PELI2: variants seen among roughly 807,000 people sequenced by gnomAD.
The protein encoded by PELI2 is pellino E3 ubiquitin protein ligase family member 2, also known as E3 ubiquitin-protein ligase pellino homolog 2.
Under a neutral mutation model 42.3 loss-of-function variants are expected in PELI2, and 23 were observed. The ratio of observed to expected loss-of-function variants is 0.54; its 90% CI spans 0.39 to 0.77. The LOEUF (loss-of-function observed/expected upper bound fraction) is 0.77. Ranked by LOEUF, PELI2 falls within the 30% of genes least tolerant of loss-of-function variation. PELI2 has a pLI of 0.00. For synonymous variants in PELI2, 245 were observed against 212.2 expected (o/e 1.15, Z -1.34); for missense variants, 463 against 553.2 (o/e 0.84, Z 1.64).
At chr14:56,150,022 C>G (rs1479818421) in intron 1 of PELI2, among the ~76,000 whole-genome samples, 1 of 152,170 alleles carries the variant, frequency 6.6e-6, no homozygotes, top group Non-Finnish European at 1.5e-5. Context: ...ATGTTATAGA[C>G]ATTAGTAATA....
intron 2 of PELI2, among the ~76,000 whole-genome samples, chr14:56,223,728 A>G (rs900462936): frequency 3.9e-5 from 6 of 152,344 alleles, no homozygotes; most frequent in East Asian, 1.9e-4. Flanking sequence ...GCAGATTTCA[A>G]TACTGTGTTT....
intron 1 of PELI2, among the ~76,000 whole-genome samples, chr14:56,143,734 T>C (rs951756057): frequency 6.6e-6 from 1 of 152,266 alleles, no homozygotes; most frequent in Non-Finnish European, 1.5e-5. Context: ...TTGGCCATTG[T>C]TGAGTTTCAG....
chr14:56,137,988 G>A (rs1883745717), intron 1 of PELI2, among the ~76,000 whole-genome samples: 1 of 152,214 alleles, frequency 6.6e-6, no homozygotes, highest in Non-Finnish European at 1.5e-5. Context: ...CCCTTGGGCT[G>A]TCTTGTGGCT....
chr14:56,207,999 T>C (rs1023564114), intron 2 of PELI2, among the ~76,000 whole-genome samples: 2 of 152,350 alleles, frequency 1.3e-5, no homozygotes, highest in South Asian at 2.1e-4. Context: ...TCCAGACATA[T>C]AAGTTGTAAA....
intron 3 of PELI2, among the ~76,000 whole-genome samples, chr14:56,285,328 T>C (rs1889609186): frequency 1.3e-5 from 2 of 152,198 alleles, no homozygotes; most frequent in African/African-American, 2.4e-5. Context: ...TTTTGACTTT[T>C]AGCTTGAGCA....
chr14:56,156,032 AT>A (rs1331103529), intron 1 of PELI2, among the ~76,000 whole-genome samples: 38 of 152,318 alleles, frequency 2.5e-4, no homozygotes, highest in Non-Finnish European at 2.1e-4. Flanking sequence ...AATAGTGGAC[AT>A]CCGTGTTTTG....
At chr14:56,207,425 A>G (rs1886559099) in intron 2 of PELI2, among the ~76,000 whole-genome samples, 1 of 152,156 alleles carries the variant, frequency 6.6e-6, no homozygotes, top group Non-Finnish European at 1.5e-5. Flanking sequence ...TATACTCACT[A>G]CCCACAAGGG....
chr14:56,181,840 ATGTGTG>A (rs3042510), intron 2 of PELI2, among the ~76,000 whole-genome samples: 31,772 of 148,276 alleles, frequency 0.21, 5,219 homozygotes, highest in African/African-American at 0.46. Context: ...TGATTATGTA[ATGTGTG>A]TGTGTGTGTG....
intron 2 of PELI2, among the ~76,000 whole-genome samples, chr14:56,270,988 T>C (rs10483657): frequency 0.13 from 20,318 of 152,228 alleles, 1,726 homozygotes; most frequent in Middle Eastern, 0.21. Flanking sequence ...AAAGCCAGTT[T>C]GATATAAATG....
At position 56,186,228 on chromosome 14, in the gene PELI2, A is replaced by T. The variant is rs114333337; in HGVS notation, c.207+7764A>T. Reference sequence around the variant, plus strand: ...GAGCCAAGGAGTGCAGGTGGCTTCTAGAAGCTGAGAACAGCCCTGGCAGCT... The same window carrying T: ...GAGCCAAGGAGTGCAGGTGGCTTCTTGAAGCTGAGAACAGCCCTGGCAGCT... On this transcript the variant is annotated intron_variant, in intron 2 of 5. Transcript: ENST00000267460. Among the ~76,000 whole-genome samples, 1,150 of 152,320 alleles carry T rather than the reference A, an allele frequency of 7.5e-3. 13 individuals carry two copies. The highest frequency in any genetic ancestry group is 0.026 in the African/African-American group (1,097 of 41,580).
At chr14:56,172,274 G>A (rs939538392) in intron 1 of PELI2, among the ~76,000 whole-genome samples, 2 of 152,288 alleles carry the variant, frequency 1.3e-5, no homozygotes, top group African/African-American at 4.8e-5. Context: ...CTGCCTTAGC[G>A]GGGTGGCTGG....
intron 2 of PELI2, among the ~76,000 whole-genome samples, chr14:56,191,564 G>T (rs1885949158): frequency 6.6e-6 from 1 of 152,190 alleles, no homozygotes; most frequent in Non-Finnish European, 1.5e-5. Context: ...AGATCAGGTT[G>T]TCTGCAGCCA....
intron 5 of PELI2, among the ~76,000 whole-genome samples, chr14:56,292,381 T>G (rs980103985): frequency 4.6e-5 from 7 of 152,324 alleles, no homozygotes; most frequent in Admixed American, 1.3e-4. Context: ...TTGTCTGTCT[T>G]CGAGGAAAGC....
At chr14:56,183,772 C>T (rs897095921) in intron 2 of PELI2, among the ~76,000 whole-genome samples, 5 of 152,192 alleles carry the variant, frequency 3.3e-5, no homozygotes, top group African/African-American at 9.6e-5. Context: ...CTGGAAGGAA[C>T]AACATCTGAA....
rs781230524 is a variant in PELI2 at position 56,298,103 on chromosome 14, G to GT, written c.*948dup. The GT allele has an allele frequency of 5.7e-3, 828 of 146,434 alleles. 5 individuals carry two copies. The highest frequency in any genetic ancestry group is 8.0e-3 in the Non-Finnish European group (525 of 65,934). The allele number at this position is 146,434 out of a possible 1,614,324, so 9.1% of individuals were successfully genotyped here. A position where few individuals can be genotyped will look rare whatever the true frequency, so the allele number is the denominator to read the frequency against. Reference sequence around the variant, plus strand: ...CACTTGAGGTTTCATAAAGCTTGGGGTTTTTTTTTTTCCTTTGTTAAGAAA... The same window carrying GT: ...CACTTGAGGTTTCATAAAGCTTGGGGTTTTTTTTTTTTCCTTTGTTAAGAAA... On this transcript the variant is annotated 3_prime_UTR_variant, in exon 6 of 6. Transcript: ENST00000267460.
At chr14:56,194,803 C>G (rs1397508809) in intron 2 of PELI2, among the ~76,000 whole-genome samples, 1 of 152,148 alleles carries the variant, frequency 6.6e-6, no homozygotes, top group Non-Finnish European at 1.5e-5. Context: ...CTTCTAGCCT[C>G]CTTTCCACCA....
intron 2 of PELI2, among the ~76,000 whole-genome samples, chr14:56,181,840 ATGTGTGTGTGTGTGTGTG>A (rs3042510): frequency 7.4e-5 from 11 of 148,358 alleles, no homozygotes; most frequent in Middle Eastern, 3.5e-3. Context: ...TGATTATGTA[ATGTGTGTGTGTGTGTGTG>A]TGTGTGTGTG....
At chr14:56,251,835 C>T (rs1183446439) in intron 2 of PELI2, among the ~76,000 whole-genome samples, 2 of 152,202 alleles carry the variant, frequency 1.3e-5, no homozygotes, top group Non-Finnish European at 2.9e-5. Context: ...TAAAGCTTCA[C>T]ATCAAGAGTA....
chr14:56,297,820 A>C lies in PELI2; in HGVS notation c.*654A>C, dbSNP rs1403017009. 6.6e-6 allele frequency: 1 copy of C among 151,934 alleles called. No homozygotes were observed. The highest frequency in any genetic ancestry group is 1.5e-5 in the Non-Finnish European group (1 of 68,010). The allele number at this position is 151,934 out of a possible 1,614,324, so 9.4% of individuals were successfully genotyped here. On this transcript the variant is annotated 3_prime_UTR_variant, in exon 6 of 6. Coordinates refer to ENST00000267460, the MANE Select transcript of PELI2 (RefSeq NM_021255.3). ...ATTTACTTTAGATATTCATTCATCA[A>C]ATACATGGGACTTCACAAACAATTT...
Sources: gnomAD v4.1 joint callset for allele counts (sites outside exome capture counted in the v4.1 genomes callset) on GRCh38, gnomAD v4.1.1 for gene constraint, MANE v1.5 for transcripts, NCBI Gene and HGNC (gene_info 2026-07-23, HGNC 2026-07-21) for gene names.